Variants in CFAP92 observed in about 807,000 individuals in gnomAD.
CFAP92 encodes the protein uncharacterized protein CFAP92.
A neutral mutation model predicts 106.3 loss-of-function variants in CFAP92; 86 were observed. That is an observed-to-expected ratio of 0.81 (90% CI 0.68 to 0.97). The LOEUF (loss-of-function observed/expected upper bound fraction) is 0.97. Ranked by LOEUF, CFAP92 falls within the 50% of genes least tolerant of loss-of-function variation. The pLI, the probability that CFAP92 is intolerant of heterozygous loss-of-function variation, is 0.00. For missense variants in CFAP92, 1,204 were observed against 1,283.8 expected (o/e 0.94, Z 0.95); for synonymous variants, 477 against 506.4 (o/e 0.94, Z 0.78).
At chr3:128,952,192 G>A (rs1381544966) in intron 9 of CFAP92, among the ~76,000 whole-genome samples, 3 of 148,348 alleles carry the variant, frequency 2.0e-5, no homozygotes, top group South Asian at 2.1e-4. Flanking sequence ...GTGCAGTGGT[G>A]CAATCATAGC....
rs758737453 is a variant in CFAP92 at position 128,971,334 on chromosome 3, T to C, written c.1121A>G (p.Lys374Arg). Residue 374 changes from lysine (K) to arginine (R), a missense_variant, in exon 8 of 16, where the codon AAG becomes AGG. By Grantham distance (26) the Lys-to-Arg change is conservative. Coordinates refer to ENST00000645291, the MANE Select transcript of CFAP92 (RefSeq NM_001394090.1). ...CAGCTGGATGGAGAAAGCGCTCTGC[T>C]TCCTGGGGCCTGTCAGCGTGGGGTC... ...EADPTLTGPR[K>R]QSAFSIQLAV... 6.8e-6 allele frequency: 11 copies of C among 1,613,692 alleles called. No homozygotes were observed. Among genetic ancestry groups the C allele is most frequent in the Admixed American group, 6.7e-5 (4 of 59,966 alleles).
Position 128,945,743 on chromosome 3 carries a change from C to G in CFAP92, c.1586G>C (p.Gly529Ala). The change falls in exon 10 of 16, where the codon GGG (glycine) becomes GCG (alanine). Residue 529 changes from glycine to alanine, a missense_variant. Physicochemically the swap from Gly to Ala is moderately conservative, Grantham distance 60 (BLOSUM62 0). Coordinates refer to ENST00000645291, the MANE Select transcript of CFAP92 (RefSeq NM_001394090.1). ...GAGGTATGAATCCAGAGGGTCCTCC[C>G]CAAACAGCACGGGCTTCTGAGAACA... ...EECSQKPVLF[G>A]EDPLDSYLNF... 6.5e-7 allele frequency: 1 copy of G among 1,535,724 alleles called. No homozygotes were observed. The highest frequency in any genetic ancestry group is 8.7e-7 in the Non-Finnish European group (1 of 1,146,726).
intron 2 of CFAP92, chr3:128,992,015 G>C: frequency 3.4e-6 from 1 of 295,736 alleles, no homozygotes; most frequent in Non-Finnish European, 5.0e-6. Flanking sequence ...GCCCTCCTGT[G>C]TGTCCGTGTT....
At chr3:128,976,242 A>G (rs921031887) in intron 6 of CFAP92, among the ~76,000 whole-genome samples, 2 of 152,132 alleles carry the variant, frequency 1.3e-5, no homozygotes, top group African/African-American at 4.8e-5. Flanking sequence ...AATAACCCAA[A>G]CTATAAAACA....
At chr3:128,937,268 G>A (rs1328687463) in intron 10 of CFAP92, among the ~76,000 whole-genome samples, 2 of 144,990 alleles carry the variant, frequency 1.4e-5, no homozygotes, top group African/African-American at 5.2e-5. Context: ...GCTGCAGTGA[G>A]CCTTTGTACC....
At chr3:128,953,290 T>C (rs1229633110) in intron 9 of CFAP92, among the ~76,000 whole-genome samples, 16 of 150,928 alleles carry the variant, frequency 1.1e-4, no homozygotes, top group Admixed American at 1.1e-3. Flanking sequence ...CTGAGGTGGG[T>C]AGATCACGAG....
rs377730524 is a variant in CFAP92 at position 128,958,537 on chromosome 3, C to T, written c.1353+6974G>A. On this transcript the variant is annotated intron_variant, in intron 9 of 15. Transcript: ENST00000645291. Reference sequence around the variant, plus strand: ...TCTCTGTACTGTCTTTGCAACTTTCCGTGAATCTATATTTTAAAGTATGAC... The same window carrying T: ...TCTCTGTACTGTCTTTGCAACTTTCTGTGAATCTATATTTTAAAGTATGAC... Among the ~76,000 whole-genome samples, 17 of 152,242 alleles carry T rather than the reference C, an allele frequency of 1.1e-4. 1 individual carries two copies. Among genetic ancestry groups the T allele is most frequent in the Admixed American group, 6.5e-4 (10 of 15,302 alleles).
upstream of CFAP92, chr3:128,994,082 G>A: frequency 3.0e-6 from 3 of 985,844 alleles, no homozygotes; most frequent in Non-Finnish European, 3.6e-6. Flanking sequence ...AGACTGAGAG[G>A]AGCGTCCGCC....
the CFAP92 span, among the ~76,000 whole-genome samples, chr3:129,020,073 T>C: frequency 6.6e-6 from 1 of 152,172 alleles, no homozygotes; most frequent in Non-Finnish European, 1.5e-5. Context: ...CCAGCCTGAT[T>C]AAATTTAAAT....
chr3:129,017,408 G>A, the CFAP92 span, among the ~76,000 whole-genome samples: 30 of 152,328 alleles, frequency 2.0e-4, 1 homozygote, highest in East Asian at 1.9e-4. Context: ...TCCGTAGGCC[G>A]GAAGTCCAGG....
In CFAP92 at chr3:128,953,589, C is replaced by G. The variant is rs1559891480; in HGVS notation, c.1354-7614G>C. On this transcript the variant is annotated intron_variant, in intron 9 of 15. Coordinates refer to ENST00000645291, the MANE Select transcript of CFAP92 (RefSeq NM_001394090.1). ...ACGGTCTCCCTCTCCCTCTCCCTCT[C>G]CCTCTCCCTCCCCCTCTCCCTCTCC... Among the ~76,000 whole-genome samples the G allele has an allele frequency of 2.6e-5, 3 of 116,254 alleles. No individual in the cohort carries two copies. The South Asian group carries it at 9.2e-4, about 36-fold the overall frequency. 76.3% of individuals were successfully genotyped at this position (116,254 alleles called of 152,430 possible).
intron 1 of CFAP92, chr3:129,001,502 C>T: frequency 7.7e-7 from 1 of 1,299,458 alleles, no homozygotes; most frequent in East Asian, 3.1e-5. Flanking sequence ...ACACGGTCCC[C>T]GGCGCCGCTC....
upstream of CFAP92, among the ~76,000 whole-genome samples, chr3:129,005,207 C>T (rs1340035166): frequency 1.3e-5 from 2 of 152,226 alleles, no homozygotes; most frequent in Non-Finnish European, 2.9e-5. Context: ...GAGACCTTCA[C>T]AGGAACAGAT....
chr3:128,980,980 A>G (rs1010979809), intron 4 of CFAP92, among the ~76,000 whole-genome samples: 6 of 151,842 alleles, frequency 4.0e-5, no homozygotes, highest in Admixed American at 2.0e-4. Context: ...CCTCCCATGA[A>G]TCACAGATGT....
At chr3:128,930,304 CCA>C (rs2107701322) in intron 12 of CFAP92, among the ~76,000 whole-genome samples, 1 of 152,166 alleles carries the variant, frequency 6.6e-6, no homozygotes, top group East Asian at 1.9e-4. Context: ...GTGCCCGCCA[CCA>C]CGCCCAGCTA....
At chr3:128,993,373 T>C (rs989149007) in intron 1 of CFAP92, 37 bp from the exon 2 acceptor site, 9 of 1,540,162 alleles carry the variant, frequency 5.8e-6, no homozygotes, top group Non-Finnish European at 7.9e-6. Context: ...CCCGCCTGTA[T>C]TCCAGGGCTG....
At chr3:128,928,017 C>T (rs977303041) in intron 12 of CFAP92, among the ~76,000 whole-genome samples, 1 of 152,146 alleles carries the variant, frequency 6.6e-6, no homozygotes, top group African/African-American at 2.4e-5. Context: ...CTTTGGGAGG[C>T]CAAGGCAGGC....
chr3:128,970,868 G>A (rs368839871), intron 8 of CFAP92: 12 of 181,958 alleles, frequency 6.6e-5, no homozygotes, highest in South Asian at 6.1e-4. Flanking sequence ...TGTGTCACAC[G>A]GGAAGTGCCT....
chr3:129,012,831 G>GGC, the CFAP92 span, among the ~76,000 whole-genome samples: 4 of 152,180 alleles, frequency 2.6e-5, no homozygotes, highest in Non-Finnish European at 5.9e-5. Context: ...GAAACATAAA[G>GGC]GCTACAGCTC....
Sources: allele counts gnomAD v4.1 joint callset (sites outside exome capture counted in the v4.1 genomes callset), GRCh38; gene constraint gnomAD v4.1.1; transcripts MANE v1.5; gene names NCBI Gene and HGNC (gene_info 2026-07-23, HGNC 2026-07-21).